PRKN: variants seen among roughly 807,000 people sequenced by gnomAD.
PRKN encodes E3 ubiquitin-protein ligase parkin.
Under a neutral mutation model 59.5 loss-of-function variants are expected in PRKN, and 56 were observed. That is an observed-to-expected ratio of 0.94 (90% CI 0.76 to 1.18). PRKN has a LOEUF of 1.18. PRKN is among the 50% of genes most tolerant of loss of function. The pLI is 0.00. For synonymous variants in PRKN, 250 were observed against 222.1 expected (o/e 1.13, Z -1.12); for missense variants, 657 against 596.4 (o/e 1.10, Z -1.06).
chr6:162,553,557 A>AAAAAAC (rs1554242558), intron 1 of PRKN, among the ~76,000 whole-genome samples: 12,919 of 138,326 alleles, frequency 0.093, 787 homozygotes, highest in Middle Eastern at 0.17. Flanking sequence ...AAAAAAAAAA[A>AAAAAAC]CACCCTAAAG....
chr6:162,005,316 T>C (rs190322308), intron 5 of PRKN, among the ~76,000 whole-genome samples: 4 of 152,326 alleles, frequency 2.6e-5, no homozygotes, highest in Admixed American at 2.0e-4. Flanking sequence ...GTTGTTCACA[T>C]TGGGAATTTT....
intron 1 of PRKN, among the ~76,000 whole-genome samples, chr6:162,547,573 A>G (rs941868688): frequency 4.0e-5 from 6 of 150,526 alleles, no homozygotes; most frequent in African/African-American, 1.5e-4. Context: ...TGTCACAGTT[A>G]GTTATTATTA....
At chr6:162,355,259 T>C (rs567638208) in intron 2 of PRKN, among the ~76,000 whole-genome samples, 4 of 151,098 alleles carry the variant, frequency 2.6e-5, no homozygotes, top group African/African-American at 9.8e-5. Flanking sequence ...TAATTATGTT[T>C]TAGATCTAGA....
chr6:162,105,158 G>T (rs146474010), intron 4 of PRKN, among the ~76,000 whole-genome samples: 1 of 152,100 alleles, frequency 6.6e-6, no homozygotes, highest in African/African-American at 2.4e-5. Context: ...GGCTCTAAAC[G>T]GGGATAGAAA....
intron 1 of PRKN, among the ~76,000 whole-genome samples, chr6:162,691,359 G>C (rs1011224014): frequency 6.6e-6 from 1 of 152,014 alleles, no homozygotes; most frequent in Non-Finnish European, 1.5e-5. Flanking sequence ...CCATCTCATA[G>C]TAGAGACAGC....
At chr6:161,657,472 C>T (rs528912428) in intron 7 of PRKN, among the ~76,000 whole-genome samples, 10 of 152,286 alleles carry the variant, frequency 6.6e-5, no homozygotes, top group Non-Finnish European at 7.4e-5. Context: ...CCTCTCCACC[C>T]GCACCCACAG....
chr6:161,756,529 C>T (rs6907382), intron 7 of PRKN, among the ~76,000 whole-genome samples: 131,126 of 150,036 alleles, frequency 0.87, 57,439 homozygotes, highest in East Asian at 0.98. Context: ...TTCTTTAGAA[C>T]TGTTTATCAC....
At chr6:162,050,956 G>A (rs1488829560) in intron 5 of PRKN, among the ~76,000 whole-genome samples, 1 of 152,154 alleles carries the variant, frequency 6.6e-6, no homozygotes, top group African/African-American at 2.4e-5. Context: ...GAAAGGCCTG[G>A]AGAAGCAGCA....
At chr6:162,576,051 G>C (rs73035006) in intron 1 of PRKN, among the ~76,000 whole-genome samples, 1 of 152,082 alleles carries the variant, frequency 6.6e-6, no homozygotes, top group African/African-American at 2.4e-5. Flanking sequence ...GTAAGGTTTA[G>C]GAGACCACGC....
intron 4 of PRKN, among the ~76,000 whole-genome samples, chr6:162,103,760 T>A (rs73783413): frequency 0.036 from 5,462 of 152,218 alleles, 320 homozygotes; most frequent in African/African-American, 0.12. Flanking sequence ...TGAAGGGACC[T>A]AGCCTCAGAC....
chr6:161,533,507 G>C lies in PRKN; in HGVS notation c.1083+15347C>G, dbSNP rs964383987. On this transcript the variant is annotated intron_variant, in intron 9 of 11. Transcript: ENST00000366898. The surrounding 1 kb of genome is among the most constrained non-coding windows in gnomAD (Gnocchi z 4.1). Reference sequence around the variant, plus strand: ...TCCATCTTCTCTTTTTGCCAGCCACGTGTCCAGTAAGGAGCAGACAAGATA... The same window carrying C: ...TCCATCTTCTCTTTTTGCCAGCCACCTGTCCAGTAAGGAGCAGACAAGATA... 6.6e-6 allele frequency among the ~76,000 whole-genome samples: 1 copy of C among 152,086 alleles called. No homozygotes were observed. Among genetic ancestry groups the C allele is most frequent in the East Asian group, 1.9e-4 (1 of 5,188 alleles).
intron 7 of PRKN, among the ~76,000 whole-genome samples, chr6:161,726,454 G>A (rs939527377): frequency 1.3e-5 from 2 of 152,218 alleles, no homozygotes; most frequent in Non-Finnish European, 2.9e-5. Flanking sequence ...TGCTTAGTAA[G>A]TGTGGGTTTC....
intron 2 of PRKN, among the ~76,000 whole-genome samples, chr6:162,398,779 G>A (rs1432078717): frequency 6.6e-6 from 1 of 152,182 alleles, no homozygotes; most frequent in Non-Finnish European, 1.5e-5. Flanking sequence ...TAATCTGTGT[G>A]TATATTACAT....
chr6:161,879,845 T>G (rs564060464), intron 6 of PRKN, among the ~76,000 whole-genome samples: 15 of 152,212 alleles, frequency 9.9e-5, no homozygotes, highest in Non-Finnish European at 2.2e-4. Context: ...ATAATTACAG[T>G]GTATTTTAAA....
chr6:161,749,119 G>GGTAC (rs1462434299), intron 7 of PRKN, among the ~76,000 whole-genome samples: 1 of 152,136 alleles, frequency 6.6e-6, no homozygotes, highest in Non-Finnish European at 1.5e-5. Flanking sequence ...CGGGCAAGCA[G>GGTAC]GTACGCCTAA....
rs925827634 is a variant in PRKN at position 161,551,810 on chromosome 6, T to C, written c.934-2807A>G. 3.3e-5 allele frequency among the ~76,000 whole-genome samples: 5 copies of C among 152,292 alleles called. No individual in the cohort carries two copies. In the East Asian group the frequency reaches 5.8e-4, roughly 18 times the overall value. Reference sequence around the variant, plus strand: ...ATGGAGAAATAACGATATGATACTATGCTGAAGGCAGGACTGAGACGAGAA... The same window carrying C: ...ATGGAGAAATAACGATATGATACTACGCTGAAGGCAGGACTGAGACGAGAA... On this transcript the variant is annotated intron_variant, in intron 8 of 11. Transcript: ENST00000366898. This position sits in a 1 kb window ranked among gnomAD's most constrained non-coding sequence, Gnocchi z 5.2.
chr6:162,271,617 C>T (rs1780399337), intron 2 of PRKN: 2 of 151,806 alleles, frequency 1.3e-5, no homozygotes. Context: ...TTGGTCACTG[C>T]TAACAATGAA....
rs144860159 is a variant in PRKN at position 161,552,294 on chromosome 6, T to G, written c.934-3291A>C. 9.6e-3 allele frequency among the ~76,000 whole-genome samples: 1,441 copies of G among 150,318 alleles called. 30 individuals carry two copies. The highest frequency in any genetic ancestry group is 0.035 in the African/African-American group (1,384 of 39,892). ...ACTGTGAATGATCTCACGGTGATCC[T>G]CCAAGCCCCTCTCCCTCAGCTCTGT... On this transcript the variant is annotated intron_variant, in intron 8 of 11. Transcript: ENST00000366898. The surrounding 1 kb of genome is among the most constrained non-coding windows in gnomAD (Gnocchi z 4.9).
At chr6:162,664,251 C>A (rs917391906) in intron 1 of PRKN, among the ~76,000 whole-genome samples, 1 of 152,140 alleles carries the variant, frequency 6.6e-6, no homozygotes, top group African/African-American at 2.4e-5. Flanking sequence ...GCATAGTATT[C>A]CATGGTGTAT....
Sources: allele counts gnomAD v4.1 joint callset (sites outside exome capture counted in the v4.1 genomes callset), GRCh38; gene constraint gnomAD v4.1.1; non-coding constraint Gnocchi (gnomAD v3.1); transcripts MANE v1.5; gene names NCBI Gene and HGNC (gene_info 2026-07-23, HGNC 2026-07-21).